The following CNGB1 variants were observed in gnomAD, a reference collection of about 807,000 sequenced individuals.
CNGB1 encodes cyclic nucleotide-gated channel beta-1.
CNGB1 carries 126 observed loss-of-function variants against 151.7 expected under a neutral mutation model. That is an observed-to-expected ratio of 0.83 (90% CI 0.72 to 0.96). CNGB1 has a LOEUF of 0.96. CNGB1 is among the 40% of genes least tolerant of loss of function. The probability of loss-of-function intolerance (pLI) is 0.00; values close to 1 mark genes in which losing one functional copy is unlikely to be tolerated. For missense variants in CNGB1, 1,698 were observed against 1,627.0 expected (o/e 1.04, Z -0.75); for synonymous variants, 623 against 635.1 (o/e 0.98, Z 0.29).
chr16:57,910,537 C>T (rs1195204021), intron 25 of CNGB1, among the ~76,000 whole-genome samples: 4 of 152,066 alleles, frequency 2.6e-5, no homozygotes, highest in African/African-American at 4.8e-5. Flanking sequence ...CCATGCCTGG[C>T]TAATTTTTGT....
intron 17 of CNGB1, among the ~76,000 whole-genome samples, chr16:57,928,487 C>G (rs1175858842): frequency 6.6e-6 from 1 of 152,216 alleles, no homozygotes; most frequent in African/African-American, 2.4e-5. Flanking sequence ...GCACCGTAAA[C>G]TGGATCCCTC....
chr16:57,967,871 T>A, intron 1 of CNGB1, among the ~76,000 whole-genome samples: 1 of 152,074 alleles, frequency 6.6e-6, no homozygotes, highest in South Asian at 2.1e-4. Flanking sequence ...AAGAAGCTGG[T>A]TGCAACAATG....
intron 17 of CNGB1, 132 bp from the exon 18 acceptor site, chr16:57,923,512 T>G: frequency 1.4e-6 from 1 of 728,136 alleles, no homozygotes; most frequent in Non-Finnish European, 2.4e-6. Flanking sequence ...AGCATGAACT[T>G]CTGAGTCCTC....
intron 32 of CNGB1, among the ~76,000 whole-genome samples, chr16:57,887,071 A>G (rs1959951820): frequency 6.6e-6 from 1 of 152,168 alleles, no homozygotes; most frequent in Admixed American, 6.5e-5. Context: ...AAATTTGTAG[A>G]GACAAGTTCT....
In CNGB1 at chr16:57,933,389, G is replaced by T. The variant is rs556787699; in HGVS notation, c.1373-1511C>A. ...GGCCCCCAAATTCATCAGCTAGCCT[G>T]ACTCTGGACCTCTGAGAGGCCCTGT... On this transcript the variant is annotated intron_variant, in intron 16 of 32. Coordinates refer to ENST00000251102, the MANE Select transcript of CNGB1 (RefSeq NM_001297.5). Among the ~76,000 whole-genome samples, 5 of 152,286 alleles carry T rather than the reference G, an allele frequency of 3.3e-5. No individual in the cohort carries two copies. The South Asian group carries it at 1.0e-3, about 32-fold the overall frequency.
chr16:57,962,508 C>A (rs1026933475), intron 7 of CNGB1, 57 bp downstream of exon 7: 60 of 1,512,984 alleles, frequency 4.0e-5, no homozygotes, highest in East Asian at 2.9e-4. Context: ...AAACCAAGGA[C>A]CTGTTCCTCC....
intron 31 of CNGB1, among the ~76,000 whole-genome samples, chr16:57,892,262 G>T (rs79422093): frequency 6.6e-6 from 1 of 152,056 alleles, no homozygotes; most frequent in Admixed American, 6.6e-5. Context: ...TGATCTTGGC[G>T]TTGCAAGTCC....
chr16:57,938,412 G>A (rs796146859), intron 16 of CNGB1, among the ~76,000 whole-genome samples: 5 of 152,276 alleles, frequency 3.3e-5, no homozygotes, highest in African/African-American at 4.8e-5. Context: ...CTCGCTGGCC[G>A]AGACACATCC....
intron 1 of CNGB1, among the ~76,000 whole-genome samples, chr16:57,968,355 G>C (rs1962450972): frequency 6.6e-6 from 1 of 152,084 alleles, no homozygotes; most frequent in Non-Finnish European, 1.5e-5. Flanking sequence ...AAATTAGCTG[G>C]GCATGGTTGC....
rs1361760765 is a variant in CNGB1, at chr16:57,949,382, C to T, written c.1092G>A (p.Glu364=). ...TCACCTCCTCCTCTTCCTCCTCCTC[C>T]TCCTCTTCCTCTTCCTCCTCCTCAT... ...KEDEEEEEEE[E]EEEEEEEVTE... Residue 364 remains glutamate (E), a synonymous_variant, in exon 14 of 33, where the codon GAG becomes GAA. Transcript: ENST00000251102. 9 of 1,612,964 alleles carry T rather than the reference C, an allele frequency of 5.6e-6. No homozygotes were observed. The highest frequency in any genetic ancestry group is 7.6e-6 in the Non-Finnish European group (9 of 1,179,990).
chr16:57,924,374 T>C (rs1344762035), intron 17 of CNGB1, among the ~76,000 whole-genome samples: 1 of 151,844 alleles, frequency 6.6e-6, no homozygotes, highest in Non-Finnish European at 1.5e-5. Flanking sequence ...AACTAACTGA[T>C]GTAGAAACAC....
chr16:57,905,718 G>T (rs374298012), intron 25 of CNGB1, among the ~76,000 whole-genome samples: 1 of 152,264 alleles, frequency 6.6e-6, no homozygotes, highest in East Asian at 1.9e-4. Context: ...CTGGTGGAGG[G>T]TTTCCACTTC....
intron 19 of CNGB1, 45 bp downstream of exon 19, chr16:57,920,342 C>T: frequency 6.2e-7 from 1 of 1,610,820 alleles, no homozygotes; most frequent in Non-Finnish European, 8.5e-7. Flanking sequence ...TTGGAGGCCC[C>T]ACCCCATCCC....
intron 14 of CNGB1, among the ~76,000 whole-genome samples, chr16:57,942,475 C>T (rs1261979979): frequency 6.6e-6 from 1 of 152,034 alleles, no homozygotes; most frequent in Non-Finnish European, 1.5e-5. Flanking sequence ...ACCCAATTTA[C>T]AATAGCTATA....
chr16:57,929,660 C>T (rs553516317), intron 17 of CNGB1, among the ~76,000 whole-genome samples: 6 of 152,174 alleles, frequency 3.9e-5, no homozygotes, highest in South Asian at 4.1e-4. Context: ...AGAGCAAATG[C>T]GGAGGGGCCA....
chr16:57,970,599 C>T (rs754969083), intron 1 of CNGB1, among the ~76,000 whole-genome samples: 85 of 152,194 alleles, frequency 5.6e-4, no homozygotes, highest in Non-Finnish European at 1.0e-3. Context: ...CAGCAATTCT[C>T]GCTTGCATTT....
At chr16:57,905,373 G>A (rs1960519577) in intron 25 of CNGB1, among the ~76,000 whole-genome samples, 2 of 152,190 alleles carry the variant, frequency 1.3e-5, no homozygotes, top group Non-Finnish European at 2.9e-5. Flanking sequence ...GAGTGAAACT[G>A]AGGCCCCCAA....
intron 32 of CNGB1, among the ~76,000 whole-genome samples, chr16:57,887,235 G>C (rs1371154999): frequency 6.6e-6 from 1 of 152,192 alleles, no homozygotes; most frequent in East Asian, 1.9e-4. Flanking sequence ...AGGACACACT[G>C]TCTTCTGGGG....
intron 31 of CNGB1, among the ~76,000 whole-genome samples, chr16:57,889,697 C>T (rs745889599): frequency 1.3e-5 from 2 of 152,208 alleles, no homozygotes; most frequent in African/African-American, 2.4e-5. Flanking sequence ...TATTCATCCT[C>T]ATTTCCAAAT....
Sources: gnomAD v4.1 joint callset for allele counts (sites outside exome capture counted in the v4.1 genomes callset) on GRCh38, gnomAD v4.1.1 for gene constraint, MANE v1.5 for transcripts, NCBI Gene and HGNC (gene_info 2026-07-23, HGNC 2026-07-21) for gene names.